Variants in GCNT2 observed in about 807,000 individuals in gnomAD.
The protein encoded by GCNT2 is N-acetyllactosaminide beta-1,6-N-acetylglucosaminyl-transferase.
Under a neutral mutation model 34.2 loss-of-function variants are expected in GCNT2, and 34 were observed. The ratio of observed to expected loss-of-function variants is 1.00; its 90% CI spans 0.76 to 1.32. The LOEUF is 1.32. Among genes scored for constraint, GCNT2 ranks in the 40% most tolerant of loss-of-function variants. GCNT2 has a pLI of 0.00. For missense variants in GCNT2, 584 were observed against 489.4 expected (o/e 1.19, Z -1.82); for synonymous variants, 212 against 188.0 (o/e 1.13, Z -1.04).
intron 3 of GCNT2, among the ~76,000 whole-genome samples, chr6:10,569,045 T>TATA (rs1290250034): frequency 6.6e-6 from 1 of 152,130 alleles, no homozygotes; most frequent in African/African-American, 2.4e-5. Context: ...GCGACTAGAC[T>TATA]ATAATGTCTT....
In GCNT2 at chr6:10,552,881, A is replaced by G. The variant is rs111918362; in HGVS notation, c.925+23045A>G. Among the ~76,000 whole-genome samples, 599 of 152,290 alleles carry G rather than the reference A, an allele frequency of 3.9e-3. 3 individuals are homozygous for G. The highest frequency in any genetic ancestry group is 7.4e-3 in the Admixed American group (113 of 15,298). On this transcript the variant is annotated intron_variant, in intron 3 of 4. Coordinates refer to ENST00000495262, the MANE Select transcript of GCNT2 (RefSeq NM_145649.5). ...TCAATGACAGAGCAAGCCACGTAAA[A>G]ATACCCTTCCAAGGAAAGCCATCAG...
intron 3 of GCNT2, among the ~76,000 whole-genome samples, chr6:10,601,173 A>G (rs1044932689): frequency 6.6e-6 from 1 of 152,202 alleles, no homozygotes. Flanking sequence ...TTGCCCATAA[A>G]TAACAGAAGC....
rs546049886 is a variant in GCNT2 at position 10,602,179 on chromosome 6, C to G, written c.926-19172C>G. ...TGTAAACTTTTTATTGCAATATAATCCTATATACAGAAAATTGCACATACC... is the reference window on the plus strand; with the variant it reads ...TGTAAACTTTTTATTGCAATATAATGCTATATACAGAAAATTGCACATACC... On this transcript the variant is annotated intron_variant, in intron 3 of 4. Transcript: ENST00000495262. Among the ~76,000 whole-genome samples, 11 of 152,232 alleles carry G rather than the reference C, an allele frequency of 7.2e-5. No homozygotes were observed. In the East Asian group the frequency reaches 2.1e-3, roughly 29 times the overall value.
Position 10,629,360 on chromosome 6 carries a change from T to C in GCNT2, c.*2753T>C, listed in dbSNP as rs919613097. On this transcript the variant is annotated 3_prime_UTR_variant, in exon 5 of 5. Coordinates refer to ENST00000495262, the MANE Select transcript of GCNT2 (RefSeq NM_145649.5). ...TTTTCTTGGGAATAAATTAATATAT[T>C]GTTTTCCACTTCGGGGATACTGTGT... 2.6e-5 allele frequency: 4 copies of C among 152,596 alleles called. No individual in the cohort carries two copies. The highest frequency in any genetic ancestry group is 5.9e-5 in the Non-Finnish European group (4 of 68,028). 9.5% of individuals were successfully genotyped at this position (152,596 alleles called of 1,614,324 possible).
At chr6:10,614,723 C>T (rs1045029900) in intron 3 of GCNT2, among the ~76,000 whole-genome samples, 2 of 151,964 alleles carry the variant, frequency 1.3e-5, no homozygotes, top group African/African-American at 4.8e-5. Flanking sequence ...TTGCCATGTC[C>T]TATTGGGAAA....
At chr6:10,586,400 G>A in intron 3 of GCNT2, 1 of 1,614,164 alleles carries the variant, frequency 6.2e-7, no homozygotes, top group Non-Finnish European at 8.5e-7. Flanking sequence ...CTGAGTATAA[G>A]GAATCTGTGA....
At chr6:10,537,698 C>CAAAAAAAAA (rs201257236) in intron 3 of GCNT2, among the ~76,000 whole-genome samples, 120 of 83,186 alleles carry the variant, frequency 1.4e-3, no homozygotes, top group Non-Finnish European at 1.8e-3. Context: ...GATTCTGCCG[C>CAAAAAAAAA]AAAAAAAAAA....
chr6:10,569,235 C>CCACACCCACACACACACACACA (rs1763421153), intron 3 of GCNT2, among the ~76,000 whole-genome samples: 1 of 47,464 alleles, frequency 2.1e-5, no homozygotes, highest in Admixed American at 2.7e-4. Context: ...ACTCCCCCCG[C>CCACACCCACACACACACACACA]CACACACACA....
rs978923771 is a variant in GCNT2, at chr6:10,527,640, TAAG to T, written c.-297_-295del. ...CACAGAGGAGGGAGTAAGGGAAGAG[TAAG>T]AAGATTTCAAAGGAGAGGTAATTGT... On this transcript the variant is annotated 5_prime_UTR_variant, in exon 2 of 5. Coordinates refer to ENST00000495262, the MANE Select transcript of GCNT2 (RefSeq NM_145649.5). The T allele has an allele frequency of 6.6e-6, 1 of 151,972 alleles. No homozygotes were observed. The allele number at this position is 151,972 out of a possible 1,614,324, so 9.4% of individuals were successfully genotyped here.
Position 10,528,940 on chromosome 6 carries a change from T to C in GCNT2, c.29T>C (p.Phe10Ser), listed in dbSNP as rs1461432102. 5.0e-6 allele frequency: 8 copies of C among 1,613,826 alleles called. No homozygotes were observed. In the African/African-American group the frequency reaches 5.3e-5, roughly 11 times the overall value. The stretch of plus-strand genomic sequence containing the variant: ...ATGGGCTCTTGGAAGCACTGTCTTT[T>C]TAGCGCGTCTCTTATCTCTGCCCTG... MMGSWKHCL[F>S]SASLISALIF... The change falls in exon 3 of 5, where the codon TTT becomes TCT. Residue 10 changes from phenylalanine (F) to serine (S), a missense_variant. Physicochemically the swap from Phe to Ser is radical, Grantham distance 155 (BLOSUM62 -2). Coordinates refer to ENST00000495262, the MANE Select transcript of GCNT2 (RefSeq NM_145649.5).
chr6:10,564,415 TCTCCCTACC>T (rs1214351286), intron 3 of GCNT2, among the ~76,000 whole-genome samples: 3 of 152,118 alleles, frequency 2.0e-5, no homozygotes, highest in Admixed American at 6.5e-5. Context: ...CTCCCTTAGC[TCTCCCTACC>T]CTCATCCCTG....
intron 3 of GCNT2, among the ~76,000 whole-genome samples, chr6:10,606,826 A>G (rs1765342051): frequency 6.6e-6 from 1 of 152,118 alleles, no homozygotes; most frequent in South Asian, 2.1e-4. Context: ...TATGTTTTTT[A>G]TATAAAAGCA....
At chr6:10,593,351 G>A (rs1764727178) in intron 3 of GCNT2, among the ~76,000 whole-genome samples, 1 of 151,588 alleles carries the variant, frequency 6.6e-6, no homozygotes, top group Non-Finnish European at 1.5e-5. Context: ...TCTTTGTTTT[G>A]TTTTGAGATA....
At chr6:10,567,808 A>G (rs1763355298) in intron 3 of GCNT2, among the ~76,000 whole-genome samples, 1 of 152,234 alleles carries the variant, frequency 6.6e-6, no homozygotes, top group Non-Finnish European at 1.5e-5. Flanking sequence ...GACGGAAGCC[A>G]GCAAAATTTA....
intron 3 of GCNT2, among the ~76,000 whole-genome samples, chr6:10,563,770 AAAAAAAAATATAT>A (rs1270964297): frequency 0.017 from 1,302 of 75,202 alleles, 2 homozygotes; most frequent in Non-Finnish European, 0.02. Context: ...AAAAAAAAAA[AAAAAAAAATATAT>A]ATATATATAT....
chr6:10,612,038 G>GT (rs1389777200), intron 3 of GCNT2, among the ~76,000 whole-genome samples: 1 of 151,898 alleles, frequency 6.6e-6, no homozygotes, highest in Non-Finnish European at 1.5e-5. Flanking sequence ...CCAGGCTGAA[G>GT]TGCAGTGGTG....
At chr6:10,525,709 A>G (rs1394290373) in intron 1 of GCNT2, among the ~76,000 whole-genome samples, 1 of 152,226 alleles carries the variant, frequency 6.6e-6, no homozygotes, top group Non-Finnish European at 1.5e-5. Flanking sequence ...TCCAGAGCTC[A>G]AAATCAAGGG....
intron 3 of GCNT2, among the ~76,000 whole-genome samples, chr6:10,535,824 A>G (rs1761725184): frequency 6.6e-6 from 1 of 152,106 alleles, no homozygotes; most frequent in East Asian, 1.9e-4. Flanking sequence ...AAAGGAAGAT[A>G]CCTGGTGGGT....
At chr6:10,562,677 A>C (rs13216294) in intron 3 of GCNT2, among the ~76,000 whole-genome samples, 34 of 141,820 alleles carry the variant, frequency 2.4e-4, no homozygotes, top group Admixed American at 1.6e-3. Flanking sequence ...AAAAAAAAAA[A>C]CAAAAAAAAA....
Sources: gnomAD v4.1 joint callset for allele counts (sites outside exome capture counted in the v4.1 genomes callset) on GRCh38, gnomAD v4.1.1 for gene constraint, MANE v1.5 for transcripts, NCBI Gene and HGNC (gene_info 2026-07-23, HGNC 2026-07-21) for gene names.